GSTCD: variants seen among roughly 807,000 people sequenced by gnomAD.
The protein encoded by GSTCD is glutathione S-transferase C-terminal domain containing, also known as glutathione S-transferase C-terminal domain-containing protein.
A neutral mutation model predicts 68.3 loss-of-function variants in GSTCD; 44 were observed. The ratio of observed to expected loss-of-function variants is 0.64; its 90% CI spans 0.51 to 0.83. GSTCD has a LOEUF of 0.83. Among genes scored for constraint, GSTCD ranks in the 40% least tolerant of loss-of-function variants. GSTCD has a pLI of 0.00. For synonymous variants in GSTCD, 273 were observed against 255.2 expected, an observed-to-expected ratio of 1.07 and a Z score of -0.67; for missense variants, 739 against 735.9, an observed-to-expected ratio of 1.00 and a Z score of -0.05.
intron 5 of GSTCD, among the ~76,000 whole-genome samples, chr4:105,779,224 C>G (rs930585304): frequency 5.9e-5 from 9 of 152,102 alleles, no homozygotes; most frequent in African/African-American, 2.2e-4. Flanking sequence ...CTTTCTTTGT[C>G]TTTCTTGGCC....
intron 10 of GSTCD, among the ~76,000 whole-genome samples, chr4:105,839,554 G>A (rs962706217): frequency 3.9e-5 from 6 of 152,200 alleles, no homozygotes; most frequent in Admixed American, 1.3e-4. Context: ...AGAATTGATT[G>A]AGATCAGGAG....
intron 3 of GSTCD, among the ~76,000 whole-genome samples, chr4:105,724,421 A>C (rs1328459705): frequency 6.6e-6 from 1 of 151,768 alleles, no homozygotes; most frequent in East Asian, 1.9e-4. Flanking sequence ...AAAAAATTCT[A>C]TAGTGCTAGT....
chr4:105,765,151 G>A (rs1734556824), intron 5 of GSTCD, among the ~76,000 whole-genome samples: 1 of 151,846 alleles, frequency 6.6e-6, no homozygotes, highest in South Asian at 2.1e-4. Flanking sequence ...CTCATATTCT[G>A]TTCTCATTTA....
chr4:105,831,407 C>G (rs1723890306), intron 8 of GSTCD, among the ~76,000 whole-genome samples: 1 of 152,088 alleles, frequency 6.6e-6, no homozygotes, highest in South Asian at 2.1e-4. Context: ...CAGTGACTCT[C>G]TGTTTACTTC....
At chr4:105,797,474 TA>T (rs1001116383) in intron 5 of GSTCD, among the ~76,000 whole-genome samples, 3 of 152,218 alleles carry the variant, frequency 2.0e-5, no homozygotes, top group Admixed American at 6.5e-5. Flanking sequence ...ATTATGTCTT[TA>T]AAAAGCATAC....
intron 5 of GSTCD, among the ~76,000 whole-genome samples, chr4:105,780,392 G>A (rs1735233043): frequency 1.3e-5 from 2 of 152,174 alleles, no homozygotes; most frequent in Admixed American, 1.3e-4. Context: ...TCCTGGCTAA[G>A]TTTATGTATG....
At position 105,822,935 on chromosome 4, in the gene GSTCD, C is replaced by T. The variant is rs976896824; in HGVS notation, c.1241-19C>T. 8.3e-6 allele frequency: 13 copies of T among 1,563,578 alleles called. No individual in the cohort carries two copies. The highest frequency in any genetic ancestry group is 1.1e-5 in the Non-Finnish European group (13 of 1,136,388). On this transcript the variant is annotated intron_variant, in intron 5 of 11. Transcript: ENST00000515279. Reference sequence around the variant, plus strand: ...AAAATATATAATGTTTTGTGTTCTTCATTTCTTGTCTTTCTCAGGTAAAAT... The same window carrying T: ...AAAATATATAATGTTTTGTGTTCTTTATTTCTTGTCTTTCTCAGGTAAAAT...
intron 7 of GSTCD, 153 bp downstream of exon 7, chr4:105,823,428 G>C: frequency 1.9e-6 from 1 of 532,782 alleles, no homozygotes. Flanking sequence ...AAACTTTCAA[G>C]ACTCAGAATC....
chr4:105,763,423 A>G (rs867731022), intron 5 of GSTCD, among the ~76,000 whole-genome samples: 1 of 152,212 alleles, frequency 6.6e-6, no homozygotes, highest in African/African-American at 2.4e-5. Flanking sequence ...CCAATGATAT[A>G]TGAACTGCTG....
intron 5 of GSTCD, among the ~76,000 whole-genome samples, chr4:105,734,420 G>A (rs1182347957): frequency 6.6e-6 from 1 of 151,996 alleles, no homozygotes; most frequent in African/African-American, 2.4e-5. Context: ...TTCTCTTCTT[G>A]CTTCATTTCA....
intron 5 of GSTCD, among the ~76,000 whole-genome samples, chr4:105,805,358 T>C (rs1350998551): frequency 6.6e-6 from 1 of 152,092 alleles, no homozygotes; most frequent in Non-Finnish European, 1.5e-5. Flanking sequence ...TACTTTTCAT[T>C]TCTTGTTTAT....
chr4:105,805,394 T>C (rs1722448522), intron 5 of GSTCD, among the ~76,000 whole-genome samples: 1 of 152,182 alleles, frequency 6.6e-6, no homozygotes, highest in South Asian at 2.1e-4. Context: ...GCTTCCCTTT[T>C]ATTAAAACTC....
chr4:105,813,128 T>C (rs146161507), intron 5 of GSTCD, among the ~76,000 whole-genome samples: 1 of 152,306 alleles, frequency 6.6e-6, no homozygotes, highest in Non-Finnish European at 1.5e-5. Context: ...ACTTCATTAT[T>C]TTTGTTTACA....
chr4:105,742,873 C>G (rs1733675367), intron 5 of GSTCD, among the ~76,000 whole-genome samples: 1 of 151,820 alleles, frequency 6.6e-6, no homozygotes, highest in South Asian at 2.1e-4. Flanking sequence ...TGCCATCATA[C>G]CTGGCTAATT....
At chr4:105,779,349 T>C (rs1167819180) in intron 5 of GSTCD, among the ~76,000 whole-genome samples, 2 of 152,190 alleles carry the variant, frequency 1.3e-5, no homozygotes, top group East Asian at 3.9e-4. Flanking sequence ...AGGAATAGCA[T>C]AGAAGTGATA....
intron 8 of GSTCD, chr4:105,827,069 G>A (rs1472981978): frequency 1.3e-5 from 2 of 152,058 alleles, no homozygotes; most frequent in Admixed American, 6.6e-5. Context: ...GGAAATTCAG[G>A]AAAATGTAGA....
chr4:105,822,839 G>T, intron 5 of GSTCD, 115 bp from the exon 6 acceptor site: 2 of 664,222 alleles, frequency 3.0e-6, no homozygotes, highest in Non-Finnish European at 2.7e-6. Context: ...ATGTATGTAT[G>T]TGTGTATGCT....
chr4:105,823,814 G>T (rs1005491900), intron 7 of GSTCD: 1 of 152,040 alleles, frequency 6.6e-6, no homozygotes, highest in Non-Finnish European at 1.5e-5. Flanking sequence ...CAAACACAAT[G>T]TATCCCTTGC....
At chr4:105,731,879 T>C (rs1426404058) in intron 5 of GSTCD, among the ~76,000 whole-genome samples, 2 of 152,192 alleles carry the variant, frequency 1.3e-5, no homozygotes, top group African/African-American at 2.4e-5. Context: ...CAATACCTAA[T>C]TTATTGAGAG....
Sources: allele counts gnomAD v4.1 joint callset (sites outside exome capture counted in the v4.1 genomes callset), GRCh38; gene constraint gnomAD v4.1.1; transcripts MANE v1.5; gene names NCBI Gene and HGNC (gene_info 2026-07-23, HGNC 2026-07-21).